The following GPHN variants were observed in gnomAD, a reference collection of about 807,000 sequenced individuals.
GPHN encodes gephyrin.
In GPHN, 17 loss-of-function variants were observed where a neutral mutation model predicts 95.5. That is an observed-to-expected ratio of 0.18 (90% CI 0.12 to 0.27). The LOEUF (loss-of-function observed/expected upper bound fraction) is 0.27. Ranked by LOEUF, GPHN falls within the 10% of genes least tolerant of loss-of-function variation. The probability of loss-of-function intolerance (pLI) is 1.00; values close to 1 mark genes in which losing one functional copy is unlikely to be tolerated. For synonymous variants in GPHN, 320 were observed against 322.5 expected, an observed-to-expected ratio of 0.99 and a Z score of 0.08; for missense variants, 660 against 978.1, an observed-to-expected ratio of 0.67 and a Z score of 4.34.
chr14:66,736,880 T>C (rs1356077231), intron 2 of GPHN, among the ~76,000 whole-genome samples: 1 of 152,212 alleles, frequency 6.6e-6, no homozygotes, highest in Non-Finnish European at 1.5e-5. Context: ...TCTTATTTTC[T>C]TTCTTTTTAT....
intron 1 of GPHN, among the ~76,000 whole-genome samples, chr14:66,639,095 T>A (rs979234602): frequency 8.9e-5 from 13 of 145,492 alleles, no homozygotes; most frequent in African/African-American, 3.5e-4. Flanking sequence ...TATATATGGT[T>A]CCTAAGTGGA....
intron 7 of GPHN, 83 bp from the exon 8 acceptor site, chr14:66,924,110 CT>C: frequency 5.1e-6 from 4 of 784,846 alleles, no homozygotes; most frequent in South Asian, 1.4e-5. Flanking sequence ...TTGTTTTTAC[CT>C]TTTTTCCTTT....
At chr14:67,528,751 T>C in the GPHN span, among the ~76,000 whole-genome samples, 900 of 152,228 alleles carry the variant, frequency 5.9e-3, 4 homozygotes, top group Non-Finnish European at 7.7e-3. Flanking sequence ...TGCATTGATA[T>C]GTGTTGTAAT....
chr14:66,814,097 C>T (rs553168938), intron 3 of GPHN, among the ~76,000 whole-genome samples: 9 of 152,252 alleles, frequency 5.9e-5, no homozygotes, highest in Admixed American at 5.2e-4. Flanking sequence ...CGCAGTCTGC[C>T]CTCCTCCCTT....
chr14:66,597,130 C>T (rs1850156431), intron 1 of GPHN, among the ~76,000 whole-genome samples: 2 of 152,082 alleles, frequency 1.3e-5, no homozygotes, highest in Admixed American at 6.5e-5. Flanking sequence ...TAAAAGGGAG[C>T]CATCAGCCAA....
chr14:67,359,293 G>A, the GPHN span, among the ~76,000 whole-genome samples: 5 of 152,162 alleles, frequency 3.3e-5, no homozygotes, highest in Non-Finnish European at 7.4e-5. Context: ...GTCTGGCTAC[G>A]TAAACTGTGA....
intron 1 of GPHN, among the ~76,000 whole-genome samples, chr14:66,571,936 G>A (rs1364902491): frequency 6.6e-6 from 1 of 152,222 alleles, no homozygotes; most frequent in Non-Finnish European, 1.5e-5. Flanking sequence ...AAGCCATTTT[G>A]AGTTGATTTG....
At chr14:67,004,767 C>T (rs984512223) in intron 9 of GPHN, among the ~76,000 whole-genome samples, 3 of 151,618 alleles carry the variant, frequency 2.0e-5, no homozygotes, top group Non-Finnish European at 4.4e-5. Flanking sequence ...TTTAAAATGC[C>T]GTAATACCTC....
chr14:67,217,186 T>A, the GPHN span, among the ~76,000 whole-genome samples: 3 of 152,276 alleles, frequency 2.0e-5, no homozygotes, highest in African/African-American at 7.2e-5. Context: ...TTACAGTTTC[T>A]GACATAAATT....
chr14:67,327,798 G>A, the GPHN span, among the ~76,000 whole-genome samples: 7 of 152,154 alleles, frequency 4.6e-5, no homozygotes, highest in African/African-American at 9.7e-5. Flanking sequence ...CTTCATCCAT[G>A]TCCCTACAAA....
chr14:66,789,543 C>A (rs1366040648), intron 3 of GPHN, among the ~76,000 whole-genome samples: 1 of 152,106 alleles, frequency 6.6e-6, no homozygotes, highest in Non-Finnish European at 1.5e-5. Flanking sequence ...AGGAACAGGG[C>A]CAGGAAAGCA....
chr14:66,896,398 C>G (rs1265708473), intron 5 of GPHN, among the ~76,000 whole-genome samples: 1 of 152,052 alleles, frequency 6.6e-6, no homozygotes, highest in South Asian at 2.1e-4. Context: ...GTGGGCTGAT[C>G]ACTTGAGTCC....
At chr14:67,440,530 T>C in the GPHN span, among the ~76,000 whole-genome samples, 70 of 152,142 alleles carry the variant, frequency 4.6e-4, 1 homozygote, top group East Asian at 0.013. Context: ...GGTGGCCAGA[T>C]CACTTGAAGC....
At chr14:66,750,957 T>A (rs1360293571) in intron 2 of GPHN, among the ~76,000 whole-genome samples, 1 of 151,972 alleles carries the variant, frequency 6.6e-6, no homozygotes, top group African/African-American at 2.4e-5. Context: ...TGGATCAGAA[T>A]TAATTATGTG....
At chr14:67,543,034 A>C in the GPHN span, among the ~76,000 whole-genome samples, 1 of 152,248 alleles carries the variant, frequency 6.6e-6, no homozygotes, top group East Asian at 1.9e-4. Context: ...TAAACTGCTA[A>C]CTTTCAGAGG....
chr14:67,551,503 A>G, the GPHN span, among the ~76,000 whole-genome samples: 1 of 152,110 alleles, frequency 6.6e-6, no homozygotes, highest in African/African-American at 2.4e-5. Context: ...AGGCACAGAG[A>G]GGTTAAGGAA....
intron 9 of GPHN, among the ~76,000 whole-genome samples, chr14:66,989,362 G>A (rs2071244966): frequency 1.3e-5 from 2 of 151,770 alleles, no homozygotes. Context: ...TTCCTAATCA[G>A]TCATGAGAAG....
chr14:67,547,936 G>T, the GPHN span, among the ~76,000 whole-genome samples: 3 of 152,286 alleles, frequency 2.0e-5, no homozygotes, highest in South Asian at 6.2e-4. Flanking sequence ...TTACACCTCT[G>T]GGTCTGGTGT....
chr14:67,069,428 A>G (rs142500644), intron 11 of GPHN, among the ~76,000 whole-genome samples: 7,266 of 152,188 alleles, frequency 0.048, 198 homozygotes, highest in Middle Eastern at 0.068. Context: ...TCTCAGCTTA[A>G]GATAACTGCC....
Sources: allele counts gnomAD v4.1 joint callset (sites outside exome capture counted in the v4.1 genomes callset), GRCh38; gene constraint gnomAD v4.1.1; transcripts MANE v1.5; gene names NCBI Gene and HGNC (gene_info 2026-07-23, HGNC 2026-07-21).